GALNT16: variants seen among roughly 807,000 people sequenced by gnomAD.
The protein encoded by GALNT16 is polypeptide N-acetylgalactosaminyltransferase 16.
In GALNT16, 40 loss-of-function variants were observed where a neutral mutation model predicts 76.1. The ratio of observed to expected loss-of-function variants is 0.53; its 90% CI spans 0.41 to 0.68. The LOEUF is 0.68. Among genes scored for constraint, GALNT16 ranks in the 30% least tolerant of loss-of-function variants. GALNT16 has a pLI of 0.00. For missense variants in GALNT16, 621 were observed against 731.9 expected, an observed-to-expected ratio of 0.85 and a Z score of 1.75; for synonymous variants, 276 against 285.2, an observed-to-expected ratio of 0.97 and a Z score of 0.32.
At chr14:69,308,854 T>G (rs191428442) in intron 1 of GALNT16, among the ~76,000 whole-genome samples, 136 of 152,364 alleles carry the variant, frequency 8.9e-4, no homozygotes, top group African/African-American at 3.2e-3. Context: ...TCTGTCATGG[T>G]TATACCAATG....
At chr14:69,362,609 G>A in the GALNT16 span, among the ~76,000 whole-genome samples, 1 of 152,250 alleles carries the variant, frequency 6.6e-6, no homozygotes, top group African/African-American at 2.4e-5. Context: ...TTAGCCAGCT[G>A]CTTAGGCATC....
intron 1 of GALNT16, among the ~76,000 whole-genome samples, chr14:69,303,426 C>T (rs2044882373): frequency 6.6e-6 from 1 of 152,090 alleles, no homozygotes; most frequent in Non-Finnish European, 1.5e-5. Flanking sequence ...CAGCTCCAAT[C>T]ATGTGTTGCA....
chr14:69,346,945 C>T (rs558927838), intron 12 of GALNT16, 95 bp from the exon 13 acceptor site: 93 of 1,495,048 alleles, frequency 6.2e-5, no homozygotes, highest in Non-Finnish European at 7.2e-5. Flanking sequence ...GAGACCTCGG[C>T]GCTCCCAGAG....
chr14:69,385,494 G>A, the GALNT16 span, among the ~76,000 whole-genome samples: 1 of 151,786 alleles, frequency 6.6e-6, no homozygotes, highest in Non-Finnish European at 1.5e-5. Flanking sequence ...CTGTCCAAGA[G>A]CCAATTTGAG....
At chr14:69,331,326 AG>A in intron 6 of GALNT16, 137 bp from the exon 7 acceptor site, 2 of 655,830 alleles carry the variant, frequency 3.0e-6, no homozygotes, top group South Asian at 1.8e-5. Context: ...GCCAGGGTTG[AG>A]GGGTGGCCCT....
chr14:69,311,397 A>G (rs1180988016), intron 1 of GALNT16, among the ~76,000 whole-genome samples: 1 of 152,224 alleles, frequency 6.6e-6, no homozygotes, highest in Non-Finnish European at 1.5e-5. Flanking sequence ...TTACTTCTTA[A>G]TACCACCACA....
intron 1 of GALNT16, among the ~76,000 whole-genome samples, chr14:69,265,231 G>C (rs1260984508): frequency 6.6e-6 from 1 of 152,198 alleles, no homozygotes; most frequent in Non-Finnish European, 1.5e-5. Context: ...GACTGGGGGT[G>C]GGGAGGAGGG....
At chr14:69,262,716 C>T (rs767544057) in intron 1 of GALNT16, among the ~76,000 whole-genome samples, 6 of 152,070 alleles carry the variant, frequency 3.9e-5, no homozygotes, top group Non-Finnish European at 8.8e-5. Context: ...CTGACCCCCC[C>T]GTCAGGCACC....
At chr14:69,347,472 T>C (rs1047772361) in intron 13 of GALNT16, among the ~76,000 whole-genome samples, 1 of 152,172 alleles carries the variant, frequency 6.6e-6, no homozygotes, top group African/African-American at 2.4e-5. Flanking sequence ...TGACAGGCAA[T>C]GTCCAAGACT....
At chr14:69,304,461 A>AC (rs772124131) in intron 1 of GALNT16, among the ~76,000 whole-genome samples, 13 of 152,216 alleles carry the variant, frequency 8.5e-5, no homozygotes, top group Non-Finnish European at 1.3e-4. Context: ...TGCAGTAAGA[A>AC]CACATAACAT....
intron 2 of GALNT16, among the ~76,000 whole-genome samples, chr14:69,324,124 C>T (rs1300822622): frequency 6.6e-6 from 1 of 151,814 alleles, no homozygotes; most frequent in African/African-American, 2.4e-5. Flanking sequence ...CTCCAGGGGA[C>T]CCAGTACCCT....
At chr14:69,361,947 C>A (rs2045727058), downstream of GALNT16, among the ~76,000 whole-genome samples, 1 of 152,154 alleles carries the variant, frequency 6.6e-6, no homozygotes, top group Non-Finnish European at 1.5e-5. Context: ...GCGGAGACTG[C>A]AGTAAGCCGA....
chr14:69,375,602 TC>T, the GALNT16 span, among the ~76,000 whole-genome samples: 4 of 152,144 alleles, frequency 2.6e-5, no homozygotes, highest in Non-Finnish European at 5.9e-5. Context: ...TCTTTTGGAT[TC>T]TTTTTTTTTA....
At chr14:69,345,505 C>T (rs2045549711) in intron 12 of GALNT16, among the ~76,000 whole-genome samples, 1 of 152,138 alleles carries the variant, frequency 6.6e-6, no homozygotes, top group Non-Finnish European at 1.5e-5. Context: ...TGGCCCAACC[C>T]CCCAGGCCCA....
chr14:69,291,465 C>A (rs1197861891), intron 1 of GALNT16, among the ~76,000 whole-genome samples: 1 of 152,206 alleles, frequency 6.6e-6, no homozygotes, highest in Admixed American at 6.5e-5. Flanking sequence ...ATACAGCTGA[C>A]TTGACAAGGA....
At chr14:69,324,939 A>G (rs1383071864) in intron 3 of GALNT16, 149 bp downstream of exon 3, 2 of 583,348 alleles carry the variant, frequency 3.4e-6, no homozygotes, top group South Asian at 2.2e-5. Flanking sequence ...AATCAGGGCC[A>G]GGAAGACCCC....
the GALNT16 span, among the ~76,000 whole-genome samples, chr14:69,376,412 T>G: frequency 6.6e-6 from 1 of 152,188 alleles, no homozygotes; most frequent in Non-Finnish European, 1.5e-5. Context: ...CCAGCCTCCT[T>G]TCCTCCAAGA....
At chr14:69,377,833 A>AAAAAAAAAAC in the GALNT16 span, among the ~76,000 whole-genome samples, 1 of 140,304 alleles carries the variant, frequency 7.1e-6, no homozygotes, top group Non-Finnish European at 1.6e-5. Flanking sequence ...AAAAAAAAAA[A>AAAAAAAAAAC]AAGAACATGA....
At chr14:69,285,192 T>C (rs997837263) in intron 1 of GALNT16, among the ~76,000 whole-genome samples, 26 of 151,988 alleles carry the variant, frequency 1.7e-4, no homozygotes, top group Admixed American at 3.9e-4. Flanking sequence ...AGGCGCCCGC[T>C]ACCACGCCCG....
Sources: allele counts gnomAD v4.1 joint callset (sites outside exome capture counted in the v4.1 genomes callset), GRCh38; gene constraint gnomAD v4.1.1; transcripts MANE v1.5; gene names NCBI Gene and HGNC (gene_info 2026-07-23, HGNC 2026-07-21).